Variants in RIMBP2 observed in about 807,000 individuals in gnomAD.
RIMBP2 encodes RIMS-binding protein 2.
RIMBP2 carries 48 observed loss-of-function variants against 118.6 expected under a neutral mutation model. The ratio of observed to expected loss-of-function variants is 0.40; its 90% confidence interval spans 0.32 to 0.51. The LOEUF is 0.51. Among genes scored for constraint, RIMBP2 ranks in the 20% least tolerant of loss-of-function variants. RIMBP2 has a pLI of 0.41. For missense variants in RIMBP2, 1,551 were observed against 1,768.3 expected, an observed-to-expected ratio of 0.88 and a Z score of 2.20; for synonymous variants, 762 against 742.9, an observed-to-expected ratio of 1.03 and a Z score of -0.42.
At chr12:130,405,829 C>T (rs1381063572) in intron 21 of RIMBP2, among the ~76,000 whole-genome samples, 1 of 151,862 alleles carries the variant, frequency 6.6e-6, no homozygotes, top group Non-Finnish European at 1.5e-5. Context: ...TTATTTTTGA[C>T]CTATACAGTT....
intron 3 of RIMBP2, 27 bp downstream of exon 3, chr12:130,517,801 T>G: frequency 4.2e-6 from 4 of 951,722 alleles, no homozygotes; most frequent in Non-Finnish European, 5.0e-6. Flanking sequence ...GGGCCCCAGA[T>G]GGTCTGTGGA....
intron 2 of RIMBP2, among the ~76,000 whole-genome samples, chr12:130,606,893 G>A (rs1043944662): frequency 4.6e-5 from 7 of 152,164 alleles, no homozygotes; most frequent in African/African-American, 2.4e-5. Context: ...GTGCAGTAGC[G>A]CGATCTCAGC....
chr12:130,595,106 A>C (rs1405575777), intron 2 of RIMBP2, among the ~76,000 whole-genome samples: 1 of 152,234 alleles, frequency 6.6e-6, no homozygotes, highest in Non-Finnish European at 1.5e-5. Context: ...TAAATAATGC[A>C]CTTTAAAGAC....
intron 1 of RIMBP2, among the ~76,000 whole-genome samples, chr12:130,700,482 T>C (rs1200116930): frequency 6.6e-6 from 1 of 152,106 alleles, no homozygotes; most frequent in Non-Finnish European, 1.5e-5. Flanking sequence ...GGGATCATGC[T>C]GGGTCAGGGG....
chr12:130,491,616 C>A (rs1182766345), intron 4 of RIMBP2, among the ~76,000 whole-genome samples: 6 of 152,186 alleles, frequency 3.9e-5, no homozygotes, highest in African/African-American at 1.4e-4. Flanking sequence ...AGCTAGGAGT[C>A]TCTCGGTTCC....
In RIMBP2 at chr12:130,445,146, G is replaced by A. The variant is rs1190954823; in HGVS notation, c.691+14C>T. On this transcript the variant is annotated intron_variant, in intron 10 of 22. Transcript: ENST00000690449. ...CCCAGCCTACGTCCGCCACAGCCAT[G>A]TTCCAACAGAGACCTTCATAGAACC... 1.3e-6 allele frequency: 2 copies of A among 1,568,672 alleles called. No individual in the cohort carries two copies. The highest frequency in any genetic ancestry group is 2.3e-5 in the East Asian group (1 of 43,930).
At chr12:130,685,320 A>G (rs1017480708) in intron 1 of RIMBP2, among the ~76,000 whole-genome samples, 2 of 152,226 alleles carry the variant, frequency 1.3e-5, no homozygotes, top group African/African-American at 4.8e-5. Context: ...TCATAACATC[A>G]TGTTGTATAT....
At position 130,399,799 on chromosome 12, in the gene RIMBP2, C is replaced by T. The variant is rs555392419; in HGVS notation, c.3780G>A (p.Gly1260=). The change falls in exon 22 of 23, where the codon GGG becomes GGA. Residue 1260 remains glycine, a synonymous_variant. Transcript: ENST00000690449. ...EDGFYYGELN[G]QKGLVPSNFL... is the part of the protein sequence containing the mutation. ...AGTTTGAGGGCACAAGGCCTTTCTG[C>T]CCATTCAGCTCCCCCTAAAACACCA... 1.2e-6 allele frequency: 2 copies of T among 1,614,130 alleles called. No individual in the cohort carries two copies. The highest frequency in any genetic ancestry group is 1.7e-5 in the Admixed American group (1 of 60,026).
At chr12:130,709,078 C>G (rs377457854) in intron 1 of RIMBP2, among the ~76,000 whole-genome samples, 1 of 152,254 alleles carries the variant, frequency 6.6e-6, no homozygotes, top group Non-Finnish European at 1.5e-5. Context: ...AGCAACGTGC[C>G]GGCAACAGCA....
At position 130,623,126 on chromosome 12, in the gene RIMBP2, A is replaced by G. The variant is rs1281975318; in HGVS notation, c.-217+5196T>C. 6.6e-6 allele frequency among the ~76,000 whole-genome samples: 1 copy of G among 152,256 alleles called. No individual in the cohort carries two copies. Among genetic ancestry groups the G allele is most frequent in the Admixed American group, 6.5e-5 (1 of 15,286 alleles). ...CATATAAAACGAAGGTCAACTGAAT[A>G]CTATTAAAGACTGAGGTAATTCCAT... On this transcript the variant is annotated intron_variant, in intron 2 of 22. Transcript: ENST00000690449. This position sits in a 1 kb window ranked among gnomAD's most constrained non-coding sequence, Gnocchi z 4.1.
intron 21 of RIMBP2, among the ~76,000 whole-genome samples, chr12:130,403,767 T>C (rs2136319176): frequency 6.6e-6 from 1 of 152,324 alleles, no homozygotes; most frequent in South Asian, 2.1e-4. Flanking sequence ...TTCCAATGAA[T>C]ACAGATTATT....
In RIMBP2 at chr12:130,617,310, C is replaced by T. The variant is rs1249743484; in HGVS notation, c.-217+11012G>A. 1.3e-5 allele frequency among the ~76,000 whole-genome samples: 2 copies of T among 152,210 alleles called. No homozygotes were observed. The highest frequency in any genetic ancestry group is 2.9e-5 in the Non-Finnish European group (2 of 68,040). ...ACCAGGCTTAGAACCCAGGTCCATC[C>T]TCATGCAAATGGCGTCATCCCTGCC... On this transcript the variant is annotated intron_variant, in intron 2 of 22. Transcript: ENST00000690449. The surrounding 1 kb of genome is among the most constrained non-coding windows in gnomAD (Gnocchi z 4.6).
chr12:130,655,660 A>G (rs1372087134), intron 1 of RIMBP2, among the ~76,000 whole-genome samples: 3 of 152,258 alleles, frequency 2.0e-5, no homozygotes, highest in African/African-American at 7.2e-5. Flanking sequence ...ACAGAGTTCA[A>G]TTATTCAAAC....
At chr12:130,490,782 G>A (rs2048565534) in intron 4 of RIMBP2, among the ~76,000 whole-genome samples, 1 of 152,180 alleles carries the variant, frequency 6.6e-6, no homozygotes, top group Non-Finnish European at 1.5e-5. Flanking sequence ...GCCAAGTGGG[G>A]GCTGCAGTAA....
chr12:130,478,287 T>G (rs1007550815), intron 5 of RIMBP2, among the ~76,000 whole-genome samples: 2 of 152,234 alleles, frequency 1.3e-5, no homozygotes, highest in Admixed American at 1.3e-4. Flanking sequence ...CTATAAATAT[T>G]GCTCTGCAAC....
chr12:130,401,959 G>A (rs1036732261), intron 21 of RIMBP2, among the ~76,000 whole-genome samples: 2 of 152,176 alleles, frequency 1.3e-5, no homozygotes, highest in Admixed American at 1.3e-4. Flanking sequence ...AGCCTGCAGA[G>A]GCTCCTGTAG....
At chr12:130,627,325 G>A (rs1484102898) in intron 2 of RIMBP2, among the ~76,000 whole-genome samples, 2 of 152,252 alleles carry the variant, frequency 1.3e-5, no homozygotes, top group African/African-American at 4.8e-5. Context: ...CCATTTCCGG[G>A]TTGAAAACCT....
At chr12:130,638,658 C>A (rs1376306681) in intron 1 of RIMBP2, among the ~76,000 whole-genome samples, 1 of 152,080 alleles carries the variant, frequency 6.6e-6, no homozygotes, top group East Asian at 1.9e-4. Flanking sequence ...GAAACCTTTC[C>A]CCCTCCCCAT....
rs141293900 is a variant in RIMBP2, at chr12:130,447,035, T to C, written c.582-1766A>G. On this transcript the variant is annotated intron_variant, in intron 9 of 22. Coordinates refer to ENST00000690449, the MANE Select transcript of RIMBP2 (RefSeq NM_001393629.1). The surrounding 1 kb of genome is among the most constrained non-coding windows in gnomAD (Gnocchi z 4.4). ...GGATCTGCAGGGGGGTCTGGATGGG[T>C]AGATGGCCGAGACACAGAAGCTGGC... Among the ~76,000 whole-genome samples, 178 of 141,552 alleles carry C rather than the reference T, an allele frequency of 1.3e-3. 3 individuals are homozygous for C. In the East Asian group the frequency reaches 0.03, roughly 24 times the overall value. The allele number at this position is 141,552 out of a possible 152,430, so 92.9% of individuals were successfully genotyped here.
Sources: gnomAD v4.1 joint callset for allele counts (sites outside exome capture counted in the v4.1 genomes callset) on GRCh38, gnomAD v4.1.1 for gene constraint, Gnocchi (gnomAD v3.1) non-coding constraint, MANE v1.5 for transcripts, NCBI Gene and HGNC (gene_info 2026-07-23, HGNC 2026-07-21) for gene names.